Variants in LIMS4 observed in about 807,000 individuals in gnomAD.
The protein encoded by LIMS4 is LIM and senescent cell antigen-like-containing domain protein 4.
At chr2:110,391,157 G>T in the LIMS4 span, among the ~76,000 whole-genome samples, 5 of 151,560 alleles carry the variant, frequency 3.3e-5, no homozygotes, top group African/African-American at 1.2e-4. Flanking sequence ...AGCAGGGGAG[G>T]GAGGGAAGGG....
chr2:110,411,544 G>A, the LIMS4 span, among the ~76,000 whole-genome samples: 20 of 137,286 alleles, frequency 1.5e-4, no homozygotes, highest in Admixed American at 3.6e-4. Flanking sequence ...TCCCAGTGAG[G>A]CCACTTGTCC....
At chr2:110,370,845 A>C in the LIMS4 span, among the ~76,000 whole-genome samples, 1 of 134,792 alleles carries the variant, frequency 7.4e-6, no homozygotes, top group Non-Finnish European at 1.5e-5. Flanking sequence ...TTTGTTGTAT[A>C]TAGGTTTGCA....
At chr2:110,392,060 C>T in the LIMS4 span, among the ~76,000 whole-genome samples, 2 of 152,056 alleles carry the variant, frequency 1.3e-5, no homozygotes, top group Non-Finnish European at 2.9e-5. Context: ...TTGCACAGCA[C>T]ATTGACTTTG....
the LIMS4 span, chr2:110,386,611 G>A: frequency 1.5e-4 from 97 of 644,608 alleles, 1 homozygote; most frequent in African/African-American, 1.2e-3. Context: ...GTGCTCCAGC[G>A]CACCCTGGGC....
the LIMS4 span, chr2:110,362,513 G>A: frequency 7.3e-7 from 1 of 1,370,372 alleles, no homozygotes; most frequent in African/African-American, 1.5e-5. Flanking sequence ...TGGGAAAGGA[G>A]GCTGCATTTG....
chr2:110,382,196 C>A, the LIMS4 span, among the ~76,000 whole-genome samples: 1 of 78,348 alleles, frequency 1.3e-5, no homozygotes, highest in Non-Finnish European at 2.1e-5. Flanking sequence ...GAAAATAACA[C>A]GATTTTAAAA....
chr2:110,361,110 T>A, the LIMS4 span: 2 of 893,366 alleles, frequency 2.2e-6, no homozygotes, highest in Non-Finnish European at 1.8e-6. Flanking sequence ...TCTTCTTTTA[T>A]TTCTGTTTCC....
At chr2:110,411,471 A>G in the LIMS4 span, among the ~76,000 whole-genome samples, 2 of 137,540 alleles carry the variant, frequency 1.5e-5, 1 homozygote, top group Non-Finnish European at 3.0e-5. Context: ...TTTTAAAAAA[A>G]TTGCTGGCAA....
the LIMS4 span, chr2:110,362,060 G>C: frequency 7.8e-7 from 1 of 1,288,342 alleles, no homozygotes; most frequent in Non-Finnish European, 1.1e-6. Flanking sequence ...CCTGCACTCA[G>C]GGCAGGTTTA....
the LIMS4 span, chr2:110,397,307 T>C: frequency 7.0e-6 from 1 of 141,954 alleles, no homozygotes; most frequent in Non-Finnish European, 1.5e-5. Flanking sequence ...TCTATTATAG[T>C]AGCTAATTTA....
chr2:110,411,477 G>A, the LIMS4 span, among the ~76,000 whole-genome samples: 1 of 136,510 alleles, frequency 7.3e-6, no homozygotes, highest in Non-Finnish European at 1.5e-5. Context: ...AAAAATTGCT[G>A]GCAAAGATCT....
intron 8 of LIMS4, among the ~76,000 whole-genome samples, chr2:110,448,939 CT>C (rs1688217652): frequency 1.2e-5 from 1 of 85,848 alleles, no homozygotes; most frequent in African/African-American, 5.0e-5. Context: ...CATGTGGCAA[CT>C]GTCCATGCAT....
the LIMS4 span, among the ~76,000 whole-genome samples, chr2:110,390,411 G>A: frequency 8.3e-6 from 1 of 120,784 alleles, no homozygotes; most frequent in Admixed American, 8.6e-5. Context: ...CTGGCAGTAG[G>A]AATAAGAGGG....
the LIMS4 span, among the ~76,000 whole-genome samples, chr2:110,390,473 G>A: frequency 7.5e-6 from 1 of 133,620 alleles, no homozygotes; most frequent in South Asian, 2.5e-4. Context: ...TGGGATGTGG[G>A]AGCGTGGATT....
chr2:110,386,198 T>TA, the LIMS4 span, among the ~76,000 whole-genome samples: 1 of 54,086 alleles, frequency 1.8e-5, no homozygotes, highest in Non-Finnish European at 3.1e-5. Context: ...CAAAAATAAA[T>TA]AAAATAAGTA....
At chr2:110,425,271 T>C in the LIMS4 span, among the ~76,000 whole-genome samples, 66 of 143,106 alleles carry the variant, frequency 4.6e-4, 1 homozygote, top group Non-Finnish European at 8.2e-4. Context: ...TATAGTGGGC[T>C]AGTCTAGGCA....
the LIMS4 span, among the ~76,000 whole-genome samples, chr2:110,391,955 A>G: frequency 1.3e-5 from 2 of 149,918 alleles, no homozygotes; most frequent in Non-Finnish European, 2.9e-5. Flanking sequence ...GATGTCATGG[A>G]GTAGGAGGCT....
At chr2:110,379,008 T>C in the LIMS4 span, among the ~76,000 whole-genome samples, 37 of 148,880 alleles carry the variant, frequency 2.5e-4, no homozygotes, top group African/African-American at 8.1e-4. Flanking sequence ...ACACAATTTA[T>C]ACAGAAAGAA....
chr2:110,379,037 G>A, the LIMS4 span, among the ~76,000 whole-genome samples: 1 of 148,336 alleles, frequency 6.7e-6, no homozygotes, highest in African/African-American at 2.6e-5. Flanking sequence ...AATATATGTG[G>A]GAATGGATAT....
Sources: gnomAD v4.1 joint callset for allele counts (sites outside exome capture counted in the v4.1 genomes callset) on GRCh38, gnomAD v4.1.1 for gene constraint, MANE v1.5 for transcripts, NCBI Gene and HGNC (gene_info 2026-07-23, HGNC 2026-07-21) for gene names.